CPPED1: variants seen among roughly 807,000 people sequenced by gnomAD.
The protein encoded by CPPED1 is serine/threonine-protein phosphatase CPPED1.
A neutral mutation model predicts 28.0 loss-of-function variants in CPPED1; 28 were observed. The observed-to-expected ratio is 1.00, with a 90% CI of 0.74 to 1.37. The LOEUF is 1.37. Among genes scored for constraint, CPPED1 ranks in the 40% most tolerant of loss-of-function variants. The pLI is 0.00. For synonymous variants in CPPED1, 198 were observed against 180.2 expected (o/e 1.10, Z -0.79); for missense variants, 504 against 416.5 (o/e 1.21, Z -1.83).
At chr16:12,792,614 G>A (rs1240532024) in intron 1 of CPPED1, among the ~76,000 whole-genome samples, 2 of 152,194 alleles carry the variant, frequency 1.3e-5, no homozygotes, top group Non-Finnish European at 2.9e-5. Context: ...ATCTTGAATT[G>A]TAGCTCCCAT....
intron 2 of CPPED1, among the ~76,000 whole-genome samples, chr16:12,723,078 C>T (rs1001159676): frequency 6.6e-6 from 1 of 152,170 alleles, no homozygotes; most frequent in Middle Eastern, 3.2e-3. Context: ...GGGTCGGCAA[C>T]GTCTCCACCC....
At chr16:12,679,891 T>G (rs1388043698) in intron 3 of CPPED1, among the ~76,000 whole-genome samples, 1 of 152,092 alleles carries the variant, frequency 6.6e-6, no homozygotes, top group Non-Finnish European at 1.5e-5. Flanking sequence ...ATCTTAAGAA[T>G]CCCTCCCTAG....
rs535081187 is a variant in CPPED1, at chr16:12,727,649, G to A, written c.290-22600C>T. ...CAGGCATGAACCACCATGCCTGACCGAAAGCCATCTGAATTCAAACATTTT... is the reference window on the plus strand; with the variant it reads ...CAGGCATGAACCACCATGCCTGACCAAAAGCCATCTGAATTCAAACATTTT... On this transcript the variant is annotated intron_variant, in intron 2 of 3. Transcript: ENST00000381774. Among the ~76,000 whole-genome samples, 114 of 152,254 alleles carry A rather than the reference G, an allele frequency of 7.5e-4. 2 individuals are homozygous for A. In the South Asian group the frequency reaches 0.022, roughly 29 times the overall value.
intron 1 of CPPED1, among the ~76,000 whole-genome samples, chr16:12,798,870 G>C (rs1234224626): frequency 6.6e-6 from 1 of 152,182 alleles, no homozygotes; most frequent in East Asian, 1.9e-4. Flanking sequence ...ATGAATATCT[G>C]AACATGCCTT....
intron 2 of CPPED1, among the ~76,000 whole-genome samples, chr16:12,742,884 T>A (rs2080263878): frequency 6.6e-6 from 1 of 152,122 alleles, no homozygotes; most frequent in African/African-American, 2.4e-5. Context: ...ACTGGAGGCG[T>A]GGGACGAATA....
At position 12,664,914 on chromosome 16, in the gene CPPED1, T is replaced by A. The variant is rs764325680; in HGVS notation, c.917A>T (p.Asp306Val). 7 of 1,605,838 alleles carry A rather than the reference T, an allele frequency of 4.4e-6. No individual in the cohort carries two copies. The highest frequency in any genetic ancestry group is 4.0e-5 in the African/African-American group (3 of 74,180). The change falls in exon 4 of 4, where the codon GAT becomes GTT. Residue 306 changes from aspartate to valine, a missense_variant. Physicochemically the swap from Asp to Val is radical, Grantham distance 152. Coordinates refer to ENST00000381774, the MANE Select transcript of CPPED1 (RefSeq NM_018340.3). The surrounding 1 kb of genome is among the most constrained non-coding windows in gnomAD (Gnocchi z 4.2). Reference protein sequence around the residue: ...DELSEKGIEDDLMDLIKKK With the variant: ...DELSEKGIEDVLMDLIKKK ...TTTTTTCTTGATCAAATCCATGAGA[T>A]CGTCTTCTATTCCTTTCTCACTCAG... is the stretch of plus-strand genomic sequence containing the variant.
At chr16:12,771,712 T>C (rs2141233074) in intron 2 of CPPED1, among the ~76,000 whole-genome samples, 1 of 152,366 alleles carries the variant, frequency 6.6e-6, no homozygotes, top group African/African-American at 2.4e-5. Context: ...CTTCCTGGAT[T>C]GTGGAACCAC....
rs1380476047 is a variant in CPPED1 at position 12,747,582 on chromosome 16, T to C, written c.289+33603A>G. The stretch of plus-strand genomic sequence containing the variant: ...CCTTGTAGCTATTAAATAAATTAAA[T>C]GTGTAAAAACCTACACACAACGAAA... On this transcript the variant is annotated intron_variant, in intron 2 of 3. Coordinates refer to ENST00000381774, the MANE Select transcript of CPPED1 (RefSeq NM_018340.3). 5.3e-5 allele frequency among the ~76,000 whole-genome samples: 8 copies of C among 152,066 alleles called. No individual in the cohort carries two copies. The East Asian group carries it at 5.8e-4, about 11-fold the overall frequency.
intron 3 of CPPED1, among the ~76,000 whole-genome samples, chr16:12,686,856 C>G (rs1265393499): frequency 6.6e-6 from 1 of 152,066 alleles, no homozygotes; most frequent in Non-Finnish European, 1.5e-5. Flanking sequence ...GATTTAAGTG[C>G]AGAAAATGTA....
chr16:12,717,839 A>G lies in CPPED1; in HGVS notation c.290-12790T>C, dbSNP rs12445790. ...GTACTTTTAGTAGAGGCAGGGTTTCACCATGTTGGCCAGGCTAGTCTCGAA... is the reference window on the plus strand; with the variant it reads ...GTACTTTTAGTAGAGGCAGGGTTTCGCCATGTTGGCCAGGCTAGTCTCGAA... On this transcript the variant is annotated intron_variant, in intron 2 of 3. Coordinates refer to ENST00000381774, the MANE Select transcript of CPPED1 (RefSeq NM_018340.3). 2.5e-3 allele frequency among the ~76,000 whole-genome samples: 379 copies of G among 151,738 alleles called. 3 individuals are homozygous for G. Among genetic ancestry groups the G allele is most frequent in the Non-Finnish European group, 3.3e-3 (224 of 67,932 alleles).
intron 2 of CPPED1, among the ~76,000 whole-genome samples, chr16:12,708,746 A>C (rs2080064666): frequency 1.3e-5 from 2 of 152,226 alleles, no homozygotes; most frequent in African/African-American, 4.8e-5. Context: ...CTTAGTATTA[A>C]CAAAGATCAT....
In CPPED1 at chr16:12,704,963, C is replaced by T. The variant is rs748886359; in HGVS notation, c.376G>A (p.Gly126Ser). The T allele has an allele frequency of 4.3e-6, 7 of 1,614,098 alleles. No homozygotes were observed. The highest frequency in any genetic ancestry group is 5.1e-6 in the Non-Finnish European group (6 of 1,180,052). ...DRAIPLVLVSGNHDIGNTPTA... is the reference protein window; with the variant it reads ...DRAIPLVLVSSNHDIGNTPTA... ...GGGGTGTTGCCAATGTCATGGTTGC[C>T]GCTGACAAGGACCAGTGGGATGGCC... The change falls in exon 3 of 4, where the codon GGC becomes AGC. Residue 126 changes from glycine to serine, a missense_variant. By Grantham distance (56) the Gly-to-Ser change is moderately conservative. Transcript: ENST00000381774.
chr16:12,719,687 C>T (rs1017207572), intron 2 of CPPED1, among the ~76,000 whole-genome samples: 3 of 152,126 alleles, frequency 2.0e-5, no homozygotes, highest in Non-Finnish European at 2.9e-5. Context: ...GTAATCCCAG[C>T]ACTTTGGAAG....
chr16:12,763,834 T>A (rs893725711), intron 2 of CPPED1, among the ~76,000 whole-genome samples: 1 of 152,116 alleles, frequency 6.6e-6, no homozygotes, highest in East Asian at 1.9e-4. Context: ...GAGCCTCAAA[T>A]ACTAAACTGG....
At chr16:12,698,282 A>G (rs2080002563) in intron 3 of CPPED1, among the ~76,000 whole-genome samples, 1 of 152,176 alleles carries the variant, frequency 6.6e-6, no homozygotes, top group Non-Finnish European at 1.5e-5. Flanking sequence ...TACAGAGGTG[A>G]ATAAGGCTGG....
intron 3 of CPPED1, among the ~76,000 whole-genome samples, chr16:12,703,037 A>G (rs925530426): frequency 6.6e-5 from 10 of 150,652 alleles, no homozygotes; most frequent in African/African-American, 1.7e-4. Context: ...AAGAAATACC[A>G]TTGGATATGA....
Position 12,704,865 on chromosome 16 carries a change from G to A in CPPED1, c.474C>T (p.Val158=), listed in dbSNP as rs572373767. Reference sequence around the variant, plus strand: ...ACTGGGAGTTGAGGACCAGGAACAGGACGCCCCCGACCCAGAAGCTGAAGT... The same window carrying A: ...ACTGGGAGTTGAGGACCAGGAACAGAACGCCCCCGACCCAGAAGCTGAAGT... ...DDYFSFWVGG[V]LFLVLNSQFY... is the part of the protein sequence containing the mutation. The change falls in exon 3 of 4, where the codon GTC becomes GTT. Residue 158 remains valine (V), a synonymous_variant. Transcript: ENST00000381774. 5 of 1,614,188 alleles carry A rather than the reference G, an allele frequency of 3.1e-6. No individual in the cohort carries two copies. In the East Asian group the frequency reaches 6.7e-5, roughly 22 times the overall value.
chr16:12,740,371 G>A (rs958092358), intron 2 of CPPED1, among the ~76,000 whole-genome samples: 3 of 151,730 alleles, frequency 2.0e-5, no homozygotes, highest in African/African-American at 7.3e-5. Context: ...CTTGAACCTG[G>A]GAGGCAGAGG....
intron 3 of CPPED1, among the ~76,000 whole-genome samples, chr16:12,702,148 C>T (rs546728687): frequency 6.6e-6 from 1 of 152,246 alleles, no homozygotes; most frequent in African/African-American, 2.4e-5. Flanking sequence ...ACTCTGGTTC[C>T]TGTGCTTGAG....
Sources: gnomAD v4.1 joint callset for allele counts (sites outside exome capture counted in the v4.1 genomes callset) on GRCh38, gnomAD v4.1.1 for gene constraint, Gnocchi (gnomAD v3.1) non-coding constraint, MANE v1.5 for transcripts, NCBI Gene and HGNC (gene_info 2026-07-23, HGNC 2026-07-21) for gene names.